Variants in CSMD3 observed in about 807,000 individuals in gnomAD.
CSMD3 encodes the protein CUB and sushi domain-containing protein 3.
A neutral mutation model predicts 435.2 loss-of-function variants in CSMD3; 177 were observed. The observed-to-expected ratio is 0.41, with a 90% confidence interval of 0.36 to 0.46. CSMD3 has a LOEUF of 0.46. Ranked by LOEUF, CSMD3 falls within the 20% of genes least tolerant of loss-of-function variation. The pLI is 0.34. For missense variants in CSMD3, 4,265 were observed against 4,504.6 expected, an observed-to-expected ratio of 0.95 and a Z score of 1.52; for synonymous variants, 1,656 against 1,520.5, an observed-to-expected ratio of 1.09 and a Z score of -2.07.
chr8:112,546,831 C>T (rs1288777069), intron 27 of CSMD3, among the ~76,000 whole-genome samples: 2 of 152,108 alleles, frequency 1.3e-5, no homozygotes, highest in Non-Finnish European at 1.5e-5. Flanking sequence ...ACAGACTCTA[C>T]AAAGGATGAA....
intron 6 of CSMD3, among the ~76,000 whole-genome samples, chr8:112,988,736 G>A (rs761439156): frequency 2.3e-4 from 35 of 151,958 alleles, no homozygotes; most frequent in Non-Finnish European, 4.1e-4. Flanking sequence ...TTTTCATGGA[G>A]AGTGGATGTT....
At chr8:112,803,574 A>G (rs1427035706) in intron 12 of CSMD3, among the ~76,000 whole-genome samples, 1 of 152,210 alleles carries the variant, frequency 6.6e-6, no homozygotes, top group African/African-American at 2.4e-5. Flanking sequence ...ACATGAAGAC[A>G]AAAAGATGTA....
intron 21 of CSMD3, among the ~76,000 whole-genome samples, chr8:112,637,541 C>T (rs2074696606): frequency 6.6e-6 from 1 of 152,070 alleles, no homozygotes; most frequent in African/African-American, 2.4e-5. Context: ...ACATTGAAAA[C>T]TATTGTATTA....
At chr8:112,973,696 A>T (rs2084743853) in intron 7 of CSMD3, among the ~76,000 whole-genome samples, 1 of 151,908 alleles carries the variant, frequency 6.6e-6, no homozygotes, top group Non-Finnish European at 1.5e-5. Flanking sequence ...GAAAACACTA[A>T]GCAATAGAAT....
At chr8:113,042,726 T>A (rs2087675337) in intron 5 of CSMD3, among the ~76,000 whole-genome samples, 3 of 152,110 alleles carry the variant, frequency 2.0e-5, no homozygotes, top group Admixed American at 2.0e-4. Flanking sequence ...AACAGAAATA[T>A]AGGAATATGA....
rs573383887 is a variant in CSMD3, at chr8:113,374,941, TG to T, written c.179-60149del. On this transcript the variant is annotated intron_variant, in intron 1 of 70. Transcript: ENST00000297405. ...TTATCCGTGGCCAAGCACTTATCATTGTAAGTGTTTGTTTTTACAGTTGGAA... is the reference window on the plus strand; with the variant it reads ...TTATCCGTGGCCAAGCACTTATCATTTAAGTGTTTGTTTTTACAGTTGGAA... 5.3e-5 allele frequency among the ~76,000 whole-genome samples: 8 copies of T among 151,944 alleles called. No homozygotes were observed. The South Asian group carries it at 1.7e-3, about 32-fold the overall frequency.
chr8:112,926,144 A>T (rs1048046058), intron 9 of CSMD3, among the ~76,000 whole-genome samples: 14 of 152,334 alleles, frequency 9.2e-5, no homozygotes, highest in African/African-American at 3.1e-4. Context: ...CTCAATCATC[A>T]GGAAATGGAT....
intron 13 of CSMD3, among the ~76,000 whole-genome samples, chr8:112,719,572 G>A (rs556514991): frequency 2.6e-5 from 4 of 152,106 alleles, no homozygotes; most frequent in Admixed American, 6.6e-5. Flanking sequence ...GAGATTTCAC[G>A]TCTCTTCTTA....
intron 10 of CSMD3, among the ~76,000 whole-genome samples, chr8:112,875,384 C>T (rs1021611320): frequency 1.5e-4 from 23 of 152,092 alleles, no homozygotes; most frequent in South Asian, 4.1e-4. Context: ...GTGAATCTGA[C>T]GATTATATTT....
chr8:113,049,722 T>A (rs2131321389), intron 5 of CSMD3, among the ~76,000 whole-genome samples: 1 of 152,288 alleles, frequency 6.6e-6, no homozygotes, highest in African/African-American at 2.4e-5. Context: ...GTAGCACGTA[T>A]TAAAAATGAT....
chr8:113,343,964 CA>C (rs1563725374), intron 1 of CSMD3, among the ~76,000 whole-genome samples: 1 of 151,894 alleles, frequency 6.6e-6, no homozygotes, highest in African/African-American at 2.4e-5. Flanking sequence ...TAATTTTCTA[CA>C]AAAATACTGT....
At chr8:112,383,363 A>G (rs1829647160) in intron 37 of CSMD3, among the ~76,000 whole-genome samples, 1 of 152,170 alleles carries the variant, frequency 6.6e-6, no homozygotes, top group Admixed American at 6.5e-5. Flanking sequence ...CAAATATAGG[A>G]AGAATTGGTA....
chr8:112,496,430 A>G (rs1187851712), intron 30 of CSMD3, among the ~76,000 whole-genome samples: 2 of 152,206 alleles, frequency 1.3e-5, no homozygotes, highest in Non-Finnish European at 2.9e-5. Context: ...TAGAACTACC[A>G]TATGATCCAG....
intron 5 of CSMD3, among the ~76,000 whole-genome samples, chr8:113,023,523 T>A (rs1181579007): frequency 1.3e-5 from 2 of 152,156 alleles, no homozygotes; most frequent in African/African-American, 4.8e-5. Context: ...TCTTCATGAA[T>A]GTTCTTTATG....
At chr8:112,488,765 G>A (rs756123111) in intron 31 of CSMD3, among the ~76,000 whole-genome samples, 4 of 152,034 alleles carry the variant, frequency 2.6e-5, no homozygotes, top group Non-Finnish European at 4.4e-5. Flanking sequence ...TTGAAGAGAG[G>A]GATTGTGTCT....
At chr8:112,284,916 C>T (rs1002107026) in intron 58 of CSMD3, among the ~76,000 whole-genome samples, 3 of 151,604 alleles carry the variant, frequency 2.0e-5, no homozygotes, top group Admixed American at 1.3e-4. Flanking sequence ...TTTATATTAC[C>T]GTGTTTAAAA....
At chr8:112,692,913 ATATCTATC>A (rs6150766) in intron 13 of CSMD3, among the ~76,000 whole-genome samples, 40,258 of 144,308 alleles carry the variant, frequency 0.28, 5,647 homozygotes, top group East Asian at 0.35. Context: ...ATTAATCTTT[ATATCTATC>A]TATCTATCTA....
chr8:112,582,798 G>C (rs900648920), intron 23 of CSMD3, among the ~76,000 whole-genome samples: 2 of 151,952 alleles, frequency 1.3e-5, no homozygotes, highest in South Asian at 2.1e-4. Context: ...TGAGGGCAGA[G>C]TTCGTAAATG....
intron 12 of CSMD3, among the ~76,000 whole-genome samples, chr8:112,823,228 C>G (rs111870904): frequency 9.2e-5 from 14 of 152,100 alleles, no homozygotes; most frequent in Admixed American, 1.3e-4. Context: ...CCTCTTTGTA[C>G]CTGTGGAAGA....
Sources: allele counts gnomAD v4.1 joint callset (sites outside exome capture counted in the v4.1 genomes callset), GRCh38; gene constraint gnomAD v4.1.1; transcripts MANE v1.5; gene names NCBI Gene and HGNC (gene_info 2026-07-23, HGNC 2026-07-21).